GFM1: variants seen among roughly 807,000 people sequenced by gnomAD.
GFM1 encodes the protein G elongation factor mitochondrial 1.
In GFM1, 62 loss-of-function variants were observed where a neutral mutation model predicts 96.2. The ratio of observed to expected loss-of-function variants is 0.64; its 90% CI spans 0.53 to 0.80. The LOEUF is 0.80. Ranked by LOEUF, GFM1 falls within the 30% of genes least tolerant of loss-of-function variation. GFM1 has a pLI of 0.00. For missense variants in GFM1, 852 were observed against 916.6 expected (o/e 0.93, Z 0.91); for synonymous variants, 282 against 312.9 (o/e 0.90, Z 1.04).
chr3:158,684,883 C>A, intron 15 of GFM1: 1 of 506,016 alleles, frequency 2.0e-6, no homozygotes. Flanking sequence ...CTCCTACATT[C>A]TCTGGGGCTT....
At chr3:158,651,786 C>A (rs1006595418) in intron 5 of GFM1, among the ~76,000 whole-genome samples, 1 of 151,820 alleles carries the variant, frequency 6.6e-6, no homozygotes, top group Admixed American at 6.6e-5. Flanking sequence ...ACTTGATATG[C>A]AGAAAAGTAG....
intron 13 of GFM1, among the ~76,000 whole-genome samples, chr3:158,676,052 C>T (rs1241784944): frequency 1.3e-5 from 2 of 152,118 alleles, no homozygotes; most frequent in East Asian, 1.9e-4. Context: ...GTGGGAAGAT[C>T]GCTTGGGCCC....
rs368281824 is a variant in GFM1 at position 158,682,418 on chromosome 3, A to G, written c.1764+261A>G. On this transcript the variant is annotated intron_variant, in intron 14 of 17. Transcript: ENST00000486715. ...ATATTTTTCTTAATAAATTGAAACT[A>G]CTGTATTGATTGTAATCAATTTGTA... The G allele has an allele frequency of 3.0e-5, 13 of 429,204 alleles. 1 individual carries two copies. The highest frequency in any genetic ancestry group is 9.0e-5 in the East Asian group (2 of 22,244). 26.6% of individuals were successfully genotyped at this position (429,204 alleles called of 1,614,324 possible). A position where few individuals can be genotyped will look rare whatever the true frequency, so the allele number is the denominator to read the frequency against.
intron 6 of GFM1, among the ~76,000 whole-genome samples, chr3:158,652,760 ATAAGT>A (rs1722399454): frequency 1.3e-5 from 2 of 152,354 alleles, no homozygotes; most frequent in East Asian, 1.9e-4. Context: ...AAAGAAAAAG[ATAAGT>A]TAAATGTTTC....
Position 158,653,433 on chromosome 3 carries a change from G to A in GFM1, c.964G>A (p.Glu322Lys). The A allele has an allele frequency of 1.2e-6, 2 of 1,613,316 alleles. No homozygotes were observed. Among genetic ancestry groups the A allele is most frequent in the Non-Finnish European group, 8.5e-7 (1 of 1,179,360 alleles). The change falls in exon 7 of 18, where the codon GAA becomes AAA. Residue 322 changes from glutamate (E) to lysine (K), a missense_variant. By Grantham distance (56) the Glu-to-Lys change is moderately conservative. Transcript: ENST00000486715. ...TTTAGAATACCTCCCAAATCCATCTGAAGTCCAGAACTATGCTATTCTCAA... is the reference window on the plus strand; with the variant it reads ...TTTAGAATACCTCCCAAATCCATCTAAAGTCCAGAACTATGCTATTCTCAA... ...AVLEYLPNPSEVQNYAILNKE... is the reference protein window; with the variant it reads ...AVLEYLPNPSKVQNYAILNKE...
At chr3:158,671,646 G>T (rs1724325385) in intron 13 of GFM1, among the ~76,000 whole-genome samples, 1 of 152,174 alleles carries the variant, frequency 6.6e-6, no homozygotes, top group Admixed American at 6.5e-5. Context: ...ACCTCTAAAA[G>T]ACTGTTAGCA....
intron 13 of GFM1, among the ~76,000 whole-genome samples, chr3:158,672,071 C>T (rs17630607): frequency 0.18 from 26,897 of 152,124 alleles, 2,457 homozygotes; most frequent in Non-Finnish European, 0.22. Context: ...AGTGCTGCCC[C>T]TTACCTAGAG....
chr3:158,667,542 T>C (rs1272932814), intron 13 of GFM1, among the ~76,000 whole-genome samples: 1 of 152,198 alleles, frequency 6.6e-6, no homozygotes, highest in African/African-American at 2.4e-5. Context: ...TCCGAGCACT[T>C]TGCGGGGCTG....
intron 13 of GFM1, among the ~76,000 whole-genome samples, chr3:158,680,753 A>G (rs1388901792): frequency 2.0e-5 from 3 of 152,170 alleles, no homozygotes; most frequent in African/African-American, 7.2e-5. Flanking sequence ...TAAGGTGCTT[A>G]ACATAAGCCT....
intron 13 of GFM1, among the ~76,000 whole-genome samples, chr3:158,681,642 A>C (rs1212550279): frequency 6.6e-6 from 1 of 152,206 alleles, no homozygotes; most frequent in African/African-American, 2.4e-5. Context: ...GGTTACAGAG[A>C]TGTAAGGAAA....
At position 158,693,753 on chromosome 3, in the gene GFM1, A is replaced by G. The variant is rs969938883; in HGVS notation, c.*2286A>G. On this transcript the variant is annotated 3_prime_UTR_variant, in exon 18 of 18. Transcript: ENST00000486715. ...CTAGGTAGTATTGTACTGATTCCCA[A>G]CCCTCACTGTACTTTAAAAATCACT... is the stretch of plus-strand genomic sequence containing the variant. The G allele has an allele frequency of 3.3e-5, 5 of 152,204 alleles. No homozygotes were observed. The highest frequency in any genetic ancestry group is 9.6e-5 in the African/African-American group (4 of 41,462). 9.4% of individuals were successfully genotyped at this position (152,204 alleles called of 1,614,324 possible).
At position 158,692,849 on chromosome 3, in the gene GFM1, T is replaced by G. The variant is rs1726415816; in HGVS notation, c.*1382T>G. 6.6e-6 allele frequency among the ~76,000 whole-genome samples: 1 copy of G among 151,914 alleles called. No homozygotes were observed. The highest frequency in any genetic ancestry group is 1.5e-5 in the Non-Finnish European group (1 of 67,968). On this transcript the variant is annotated 3_prime_UTR_variant, in exon 18 of 18. Coordinates refer to ENST00000486715, the MANE Select transcript of GFM1 (RefSeq NM_024996.7). ...TGGGACTACAGGTGTGCGCCACCAC[T>G]CCCTGCTAATTTTTTGCATTTTTTG...
chr3:158,681,455 T>G (rs2108094429), intron 13 of GFM1, among the ~76,000 whole-genome samples: 1 of 152,374 alleles, frequency 6.6e-6, no homozygotes, highest in East Asian at 1.9e-4. Context: ...AATGACTTAC[T>G]TATGTTAGTC....
Position 158,654,473 on chromosome 3 carries a change from C to T in GFM1, c.999-74C>T, listed in dbSNP as rs536758944. On this transcript the variant is annotated intron_variant, in intron 7 of 17. Transcript: ENST00000486715. ...ACGTGCTTTTTCTCAGATAATACTT[C>T]CTGATGAAATAAATTGATATAAAAG... 7.4e-6 allele frequency: 7 copies of T among 940,074 alleles called. No individual in the cohort carries two copies. In the Admixed American group the frequency reaches 1.2e-4, roughly 16 times the overall value. The allele number at this position is 940,074 out of a possible 1,614,324, so 58.2% of individuals were successfully genotyped here.
chr3:158,692,793 G>A lies in GFM1; in HGVS notation c.*1326G>A. The stretch of plus-strand genomic sequence containing the variant: ...TACAACCTCTGCTTCCTGGGTTCAA[G>A]CAATTATCCCATCTCAGCTGCCTAA... On this transcript the variant is annotated 3_prime_UTR_variant, in exon 18 of 18. Coordinates refer to ENST00000486715, the MANE Select transcript of GFM1 (RefSeq NM_024996.7). Among the ~76,000 whole-genome samples the A allele has an allele frequency of 6.6e-6, 1 of 151,900 alleles. No homozygotes were observed. Among genetic ancestry groups the A allele is most frequent in the East Asian group, 1.9e-4 (1 of 5,180 alleles).
intron 2 of GFM1, 165 bp from the exon 3 acceptor site, chr3:158,646,000 C>G (rs564603518): frequency 8.4e-6 from 8 of 956,558 alleles, no homozygotes; most frequent in African/African-American, 1.6e-5. Flanking sequence ...TCAGGCTGGT[C>G]TCAAACTCTT....
In GFM1 at chr3:158,668,221, G is replaced by A. The variant is rs552418187; in HGVS notation, c.1601+1835G>A. 5.9e-5 allele frequency among the ~76,000 whole-genome samples: 9 copies of A among 152,206 alleles called. No individual in the cohort carries two copies. In the East Asian group the frequency reaches 1.3e-3, roughly 23 times the overall value. On this transcript the variant is annotated intron_variant, in intron 13 of 17. Coordinates refer to ENST00000486715, the MANE Select transcript of GFM1 (RefSeq NM_024996.7). ...TGACATAAAACAGTGTAGTATTTGC[G>A]TATAACCTATGCATACCTTCTCATA...
chr3:158,682,197 A>T (rs1358732970), intron 14 of GFM1, 40 bp downstream of exon 14: 1 of 1,522,254 alleles, frequency 6.6e-7, no homozygotes, highest in Non-Finnish European at 9.0e-7. Flanking sequence ...TTTACTTACT[A>T]AAAACAGTTT....
rs114879672 is a variant in GFM1 at position 158,684,799 on chromosome 3, C to A, written c.1909+131C>A. ...CACAGGGAATATTGTAGGTAGTGGG[C>A]AAATCTTTATGGACTTGAGATCAAG... On this transcript the variant is annotated intron_variant, in intron 15 of 17. Transcript: ENST00000486715. 10 of 885,338 alleles carry A rather than the reference C, an allele frequency of 1.1e-5. No homozygotes were observed. In the South Asian group the frequency reaches 1.4e-4, roughly 13 times the overall value. 54.8% of individuals were successfully genotyped at this position (885,338 alleles called of 1,614,324 possible).
Sources: allele counts gnomAD v4.1 joint callset (sites outside exome capture counted in the v4.1 genomes callset), GRCh38; gene constraint gnomAD v4.1.1; transcripts MANE v1.5; gene names NCBI Gene and HGNC (gene_info 2026-07-23, HGNC 2026-07-21).